The following MTUS2 variants were observed in gnomAD, a reference collection of about 807,000 sequenced individuals.
MTUS2 encodes microtubule associated scaffold protein 2, also known as microtubule-associated tumor suppressor candidate 2.
A neutral mutation model predicts 114.1 loss-of-function variants in MTUS2; 40 were observed. The ratio of observed to expected loss-of-function variants is 0.35; its 90% CI spans 0.27 to 0.46. MTUS2 has a LOEUF of 0.46. MTUS2 is among the 20% of genes least tolerant of loss of function. The probability of loss-of-function intolerance (pLI) is 1.00; values close to 1 mark genes in which losing one functional copy is unlikely to be tolerated. For synonymous variants in MTUS2, 688 were observed against 672.0 expected (o/e 1.02, Z -0.37); for missense variants, 1,679 against 1,705.4 (o/e 0.98, Z 0.27).
chr13:29,275,860 G>T (rs188781617), intron 5 of MTUS2, among the ~76,000 whole-genome samples: 144 of 152,294 alleles, frequency 9.5e-4, no homozygotes, highest in African/African-American at 1.8e-3. Context: ...TCAATACACT[G>T]ATTTCTTTTC....
At chr13:29,353,323 C>A (rs1298363453) in intron 7 of MTUS2, among the ~76,000 whole-genome samples, 3 of 152,178 alleles carry the variant, frequency 2.0e-5, no homozygotes, top group Non-Finnish European at 4.4e-5. Flanking sequence ...GCACATGCCA[C>A]CACACTTGGC....
chr13:29,131,259 T>G (rs1338507375), intron 5 of MTUS2, among the ~76,000 whole-genome samples: 1 of 152,228 alleles, frequency 6.6e-6, no homozygotes, highest in African/African-American at 2.4e-5. Flanking sequence ...ATCCTTAGTT[T>G]GTAGTTAAGA....
In MTUS2 at chr13:29,273,805, T is replaced by C. The variant is rs1230824094; in HGVS notation, c.2645-7899T>C. 2.0e-5 allele frequency among the ~76,000 whole-genome samples: 3 copies of C among 152,162 alleles called. No individual in the cohort carries two copies. The East Asian group carries it at 5.8e-4, about 29-fold the overall frequency. ...TAATTATATAATATTTGTCCTTTTGTAAATGTTTTCAGGATTCATGCATGG... is the reference window on the plus strand; with the variant it reads ...TAATTATATAATATTTGTCCTTTTGCAAATGTTTTCAGGATTCATGCATGG... On this transcript the variant is annotated intron_variant, in intron 5 of 15. Coordinates refer to ENST00000612955, the MANE Select transcript of MTUS2 (RefSeq NM_001033602.4).
intron 3 of MTUS2, among the ~76,000 whole-genome samples, chr13:29,027,711 C>A (rs1185004467): frequency 6.6e-6 from 1 of 152,198 alleles, no homozygotes; most frequent in African/African-American, 2.4e-5. Context: ...GCCACCGCGC[C>A]TGGCTACTTT....
At chr13:29,158,772 G>A (rs1415100415) in intron 5 of MTUS2, among the ~76,000 whole-genome samples, 1 of 152,106 alleles carries the variant, frequency 6.6e-6, no homozygotes, top group African/African-American at 2.4e-5. Flanking sequence ...CTGGCTTTTA[G>A]CGAAGGAGTT....
At chr13:29,110,173 G>C (rs1890828946) in intron 5 of MTUS2, among the ~76,000 whole-genome samples, 1 of 152,248 alleles carries the variant, frequency 6.6e-6, no homozygotes, top group Admixed American at 6.5e-5. Context: ...CTTATGCGAG[G>C]TGACTAATAC....
rs1431603392 is a variant in MTUS2, at chr13:29,496,954, C to T, written c.3580-284C>T. ...GAGGATTCTCTCCGAGGACTGTCTG[C>T]CTCTGTGGGGTCAGATGTTGTGAAA... On this transcript the variant is annotated intron_variant, in intron 12 of 15. Transcript: ENST00000612955. This position sits in a 1 kb window ranked among gnomAD's most constrained non-coding sequence, Gnocchi z 4.3. Among the ~76,000 whole-genome samples the T allele has an allele frequency of 1.3e-5, 2 of 152,158 alleles. No individual in the cohort carries two copies. Among genetic ancestry groups the T allele is most frequent in the Non-Finnish European group, 2.9e-5 (2 of 68,034 alleles).
chr13:29,432,571 C>T (rs9508449), intron 8 of MTUS2, among the ~76,000 whole-genome samples: 121,690 of 152,122 alleles, frequency 0.8, 49,083 homozygotes, highest in Middle Eastern at 0.87. Context: ...TCTGAGCCAG[C>T]GAGTTGCTCT....
At chr13:28,892,216 C>T (rs1004477437) in intron 2 of MTUS2, among the ~76,000 whole-genome samples, 4 of 152,202 alleles carry the variant, frequency 2.6e-5, no homozygotes, top group South Asian at 2.1e-4. Context: ...GTGAGATGCC[C>T]GGCATAGTGA....
intron 2 of MTUS2, among the ~76,000 whole-genome samples, chr13:28,865,567 A>G (rs746372452): frequency 1.3e-5 from 2 of 152,150 alleles, no homozygotes; most frequent in Non-Finnish European, 2.9e-5. Flanking sequence ...TAGTTATGCA[A>G]ATTGTTTTAG....
chr13:28,879,045 G>A lies in MTUS2; in HGVS notation c.-243+39195G>A, dbSNP rs976613760. 3.9e-4 allele frequency among the ~76,000 whole-genome samples: 60 copies of A among 152,216 alleles called. 1 individual carries two copies. Among genetic ancestry groups the A allele is most frequent in the African/African-American group, 1.4e-3 (60 of 41,538 alleles). ...TTCTGACTGGCATGAGATGTATCTT[G>A]TTGTGGTTTTGATTTGCATTTCTCT... On this transcript the variant is annotated intron_variant, in intron 2 of 15. Coordinates refer to ENST00000612955, the MANE Select transcript of MTUS2 (RefSeq NM_001033602.4).
At chr13:28,982,029 T>C (rs1884383009) in intron 2 of MTUS2, among the ~76,000 whole-genome samples, 1 of 152,138 alleles carries the variant, frequency 6.6e-6, no homozygotes, top group African/African-American at 2.4e-5. Flanking sequence ...TCTTACATGG[T>C]GAATCAATCT....
intron 6 of MTUS2, among the ~76,000 whole-genome samples, chr13:29,304,335 A>G (rs1899341411): frequency 6.6e-6 from 1 of 152,206 alleles, no homozygotes; most frequent in Admixed American, 6.5e-5. Flanking sequence ...ATTGAAAGGC[A>G]CAGAATGGCA....
rs535482094 is a variant in MTUS2, at chr13:29,495,531, T to A, written c.3580-1707T>A. 5.3e-5 allele frequency among the ~76,000 whole-genome samples: 8 copies of A among 152,126 alleles called. No individual in the cohort carries two copies. The South Asian group carries it at 1.7e-3, about 32-fold the overall frequency. On this transcript the variant is annotated intron_variant, in intron 12 of 15. Transcript: ENST00000612955. Reference sequence around the variant, plus strand: ...TGTGCACTTATTAGCATTCACAATATCACTTCCTATTATTTGGTGGGATGA... The same window carrying A: ...TGTGCACTTATTAGCATTCACAATAACACTTCCTATTATTTGGTGGGATGA...
chr13:29,472,535 TTTTTCAGGCAGCATAGC>T (rs1880398759), intron 9 of MTUS2, among the ~76,000 whole-genome samples: 1 of 152,106 alleles, frequency 6.6e-6, no homozygotes, highest in Admixed American at 6.5e-5. Flanking sequence ...CCAGGGGGCA[TTTTTCAGGCAGCATAGC>T]TCCGCCTGGT....
intron 4 of MTUS2, among the ~76,000 whole-genome samples, chr13:29,064,563 T>A (rs1197719377): frequency 6.6e-6 from 1 of 152,118 alleles, no homozygotes; most frequent in Non-Finnish European, 1.5e-5. Flanking sequence ...GATAATAATG[T>A]TTTTACACAT....
chr13:29,327,453 A>G (rs1157441608), intron 7 of MTUS2, among the ~76,000 whole-genome samples: 1 of 152,008 alleles, frequency 6.6e-6, no homozygotes, highest in Non-Finnish European at 1.5e-5. Flanking sequence ...CTGTCACTAG[A>G]GATTAGTTTG....
At chr13:29,289,501 C>T (rs1443531134) in intron 6 of MTUS2, among the ~76,000 whole-genome samples, 6 of 139,682 alleles carry the variant, frequency 4.3e-5, no homozygotes, top group East Asian at 4.3e-4. Flanking sequence ...CTCGCTCTGT[C>T]GCCCAGGCTG....
chr13:29,157,630 T>C (rs1892916393), intron 5 of MTUS2, among the ~76,000 whole-genome samples: 1 of 152,158 alleles, frequency 6.6e-6, no homozygotes, highest in Admixed American at 6.5e-5. Context: ...CAACATCTCT[T>C]TCTGTCCTGG....
Sources: allele counts gnomAD v4.1 joint callset (sites outside exome capture counted in the v4.1 genomes callset), GRCh38; gene constraint gnomAD v4.1.1; non-coding constraint Gnocchi (gnomAD v3.1); transcripts MANE v1.5; gene names NCBI Gene and HGNC (gene_info 2026-07-23, HGNC 2026-07-21).